Variants in WDR59 observed in about 807,000 individuals in gnomAD.
WDR59 encodes GATOR2 complex protein WDR59.
WDR59 carries 100 observed loss-of-function variants against 131.2 expected under a neutral mutation model. The ratio of observed to expected loss-of-function variants is 0.76; its 90% CI spans 0.65 to 0.90. The LOEUF (loss-of-function observed/expected upper bound fraction) is 0.90, where lower values mean the gene tolerates loss of function less well. Ranked by LOEUF, WDR59 falls within the 40% of genes least tolerant of loss-of-function variation. The pLI is 0.00. For synonymous variants in WDR59, 601 were observed against 466.2 expected (o/e 1.29, Z -3.72); for missense variants, 1,203 against 1,262.2 (o/e 0.95, Z 0.71).
chr16:74,923,265 G>C (rs1002269177), intron 9 of WDR59, among the ~76,000 whole-genome samples: 1 of 152,108 alleles, frequency 6.6e-6, no homozygotes, highest in Non-Finnish European at 1.5e-5. Context: ...AAATGATAGA[G>C]CATGGCCCCC....
Position 74,912,349 on chromosome 16 carries a change from T to C in WDR59, c.1238A>G (p.Asp413Gly), listed in dbSNP as rs1337748603. ...RNVNVEMDAA[D>G]RSCTVSVHCS... is the part of the protein sequence containing the mutation. ...GTGCACAGACACTGTGCAGCTCCTG[T>C]CTGCCGCATCCATCTGCAAGAGACA... Residue 413 changes from aspartate to glycine, a missense_variant, in exon 14 of 26, where the codon GAC (aspartate) becomes GGC (glycine). Coordinates refer to ENST00000262144, the MANE Select transcript of WDR59 (RefSeq NM_030581.4). The C allele has an allele frequency of 6.2e-7, 1 of 1,612,984 alleles. No homozygotes were observed. The highest frequency in any genetic ancestry group is 1.7e-5 in the Admixed American group (1 of 59,976).
chr16:74,883,624 A>G (rs1052835248), intron 25 of WDR59, among the ~76,000 whole-genome samples: 5 of 152,096 alleles, frequency 3.3e-5, no homozygotes, highest in African/African-American at 1.2e-4. Flanking sequence ...TCATTCTGTA[A>G]AACACCTCTC....
intron 1 of WDR59, among the ~76,000 whole-genome samples, chr16:74,978,390 G>T (rs9937423): frequency 6.6e-6 from 1 of 151,242 alleles, no homozygotes; most frequent in African/African-American, 2.4e-5. Context: ...TATTCAGGAG[G>T]CTGAGATGGG....
rs1054030538 is a variant in WDR59 at position 74,982,143 on chromosome 16, T to G, written c.54+2821A>C. Among the ~76,000 whole-genome samples the G allele has an allele frequency of 8.0e-5, 12 of 150,242 alleles. No individual in the cohort carries two copies. The South Asian group carries it at 1.5e-3, about 18-fold the overall frequency. The stretch of plus-strand genomic sequence containing the variant: ...AAATTTAAATATTTTAATTAAAAAT[T>G]TTTTAATAAAATTATTATTTAAAAG... On this transcript the variant is annotated intron_variant, in intron 1 of 25. Transcript: ENST00000262144.
At position 74,915,085 on chromosome 16, in the gene WDR59, T is replaced by C. The variant is rs1044555228; in HGVS notation, c.1224+785A>G. On this transcript the variant is annotated intron_variant, in intron 13 of 25. Coordinates refer to ENST00000262144, the MANE Select transcript of WDR59 (RefSeq NM_030581.4). ...AAACAAAGAAGTTTTGGTTGCCTTC[T>C]TACTGTGAATCTAAATTACCAGGAA... Among the ~76,000 whole-genome samples the C allele has an allele frequency of 2.0e-5, 3 of 152,232 alleles. No homozygotes were observed. The South Asian group carries it at 6.2e-4, about 32-fold the overall frequency.
chr16:74,918,444 C>T (rs1287739529), intron 10 of WDR59, among the ~76,000 whole-genome samples: 2 of 152,154 alleles, frequency 1.3e-5, no homozygotes, highest in African/African-American at 2.4e-5. Flanking sequence ...TACATGCTCT[C>T]GAAGAGCTGG....
intron 1 of WDR59, among the ~76,000 whole-genome samples, chr16:74,976,181 T>G (rs1471568776): frequency 6.6e-6 from 1 of 152,170 alleles, no homozygotes; most frequent in Non-Finnish European, 1.5e-5. Context: ...GATTATTAAT[T>G]ACTTATAATT....
intron 17 of WDR59, chr16:74,904,487 G>A (rs537877711): frequency 2.3e-4 from 45 of 193,922 alleles, no homozygotes; most frequent in African/African-American, 1.0e-3. Flanking sequence ...TTGAAAATGT[G>A]CGTGAAAATA....
intron 8 of WDR59, among the ~76,000 whole-genome samples, chr16:74,926,030 A>G (rs2030766266): frequency 6.6e-6 from 1 of 150,566 alleles, no homozygotes; most frequent in South Asian, 2.1e-4. Context: ...ATATCAGACT[A>G]TATGGAAAAC....
At chr16:74,969,707 T>A (rs375289645) in intron 1 of WDR59, among the ~76,000 whole-genome samples, 1 of 151,940 alleles carries the variant, frequency 6.6e-6, no homozygotes, top group East Asian at 1.9e-4. Flanking sequence ...GTACTGAGAT[T>A]ACAGGCATGT....
chr16:74,946,176 G>A (rs1381862254), intron 6 of WDR59, among the ~76,000 whole-genome samples: 1 of 152,088 alleles, frequency 6.6e-6, no homozygotes, highest in African/African-American at 2.4e-5. Context: ...ATTATTAGTT[G>A]TTGCTGTTAA....
At chr16:74,917,713 G>A (rs760930788) in intron 11 of WDR59, among the ~76,000 whole-genome samples, 2 of 150,070 alleles carry the variant, frequency 1.3e-5, no homozygotes, top group Non-Finnish European at 2.9e-5. Context: ...GGAGGCTGAC[G>A]CAGGAGAATC....
At chr16:74,896,983 T>C (rs1050338752) in intron 18 of WDR59, among the ~76,000 whole-genome samples, 2 of 152,240 alleles carry the variant, frequency 1.3e-5, no homozygotes, top group African/African-American at 2.4e-5. Context: ...AAGCTCATTC[T>C]TGTTAACTTG....
At chr16:74,921,917 G>A in intron 10 of WDR59, 30 bp downstream of exon 10, 1 of 1,607,680 alleles carries the variant, frequency 6.2e-7, no homozygotes, top group Non-Finnish European at 8.5e-7. Context: ...AGCTCAGAAG[G>A]AAAGTGGGCA....
intron 2 of WDR59, among the ~76,000 whole-genome samples, chr16:74,957,701 G>A (rs952577228): frequency 4.6e-5 from 7 of 152,184 alleles, no homozygotes; most frequent in Non-Finnish European, 7.3e-5. Flanking sequence ...TACCCTTGGT[G>A]TGTGAATCAA....
intron 5 of WDR59, 125 bp downstream of exon 5, chr16:74,949,593 A>G (rs2032873940): frequency 2.7e-6 from 2 of 751,990 alleles, no homozygotes; most frequent in Non-Finnish European, 2.2e-6. Flanking sequence ...TTTGCGCTCA[A>G]ATCTCTCACT....
At chr16:74,980,420 T>C (rs981241750) in intron 1 of WDR59, among the ~76,000 whole-genome samples, 3 of 148,952 alleles carry the variant, frequency 2.0e-5, no homozygotes, top group Non-Finnish European at 4.5e-5. Flanking sequence ...AACGGTGCGA[T>C]TTGGCTCGCT....
intron 10 of WDR59, among the ~76,000 whole-genome samples, chr16:74,921,326 C>T (rs918446852): frequency 6.6e-6 from 1 of 151,990 alleles, no homozygotes; most frequent in Non-Finnish European, 1.5e-5. Context: ...TAAATAGTAA[C>T]TCGTACTCAA....
At position 74,920,676 on chromosome 16, in the gene WDR59, C is replaced by G. The variant is rs117490104; in HGVS notation, c.886+1271G>C. Among the ~76,000 whole-genome samples the G allele has an allele frequency of 4.0e-4, 61 of 152,330 alleles. No homozygotes were observed. The East Asian group carries it at 0.011, about 28-fold the overall frequency. ...AAAGTACTGAGATTACAGGTGTAAG[C>G]CACTGTGCCTGGCCTAAAATACATT... On this transcript the variant is annotated intron_variant, in intron 10 of 25. Transcript: ENST00000262144.
Sources: gnomAD v4.1 joint callset for allele counts (sites outside exome capture counted in the v4.1 genomes callset) on GRCh38, gnomAD v4.1.1 for gene constraint, MANE v1.5 for transcripts, NCBI Gene and HGNC (gene_info 2026-07-23, HGNC 2026-07-21) for gene names.